Variants in THEMIS observed in about 807,000 individuals in gnomAD.
THEMIS encodes thymocyte selection associated.
THEMIS carries 37 observed loss-of-function variants against 52.6 expected under a neutral mutation model. The observed-to-expected ratio is 0.70, with a 90% CI of 0.54 to 0.93. The LOEUF is 0.93. Among genes scored for constraint, THEMIS ranks in the 40% least tolerant of loss-of-function variants. THEMIS has a pLI of 0.00. For synonymous variants in THEMIS, 292 were observed against 272.7 expected, an observed-to-expected ratio of 1.07 and a Z score of -0.70; for missense variants, 808 against 763.1, an observed-to-expected ratio of 1.06 and a Z score of -0.69.
intron 5 of THEMIS, among the ~76,000 whole-genome samples, chr6:127,715,578 C>T (rs12189937): frequency 0.017 from 2,520 of 151,940 alleles, 35 homozygotes; most frequent in South Asian, 0.029. Flanking sequence ...TTATTTTCCA[C>T]GATACAAATA....
intron 4 of THEMIS, among the ~76,000 whole-genome samples, chr6:127,750,653 T>G (rs1195789968): frequency 6.6e-6 from 1 of 151,886 alleles, no homozygotes; most frequent in East Asian, 1.9e-4. Context: ...TAACACTGAC[T>G]ACATAATTGC....
At chr6:127,793,947 A>T (rs1424697457) in intron 4 of THEMIS, among the ~76,000 whole-genome samples, 1 of 152,204 alleles carries the variant, frequency 6.6e-6, no homozygotes, top group African/African-American at 2.4e-5. Context: ...ATAGTTATCT[A>T]ACTCCAGATT....
chr6:127,772,594 T>A (rs887175121), intron 4 of THEMIS, among the ~76,000 whole-genome samples: 1 of 152,150 alleles, frequency 6.6e-6, no homozygotes, highest in African/African-American at 2.4e-5. Flanking sequence ...AGAAAGAATT[T>A]GGATGTGATA....
upstream of THEMIS, among the ~76,000 whole-genome samples, chr6:127,902,411 A>C (rs549968679): frequency 2.0e-4 from 30 of 152,114 alleles, no homozygotes; most frequent in Non-Finnish European, 3.5e-4. Context: ...TTCTTTAGTA[A>C]CCAAACCCAG....
chr6:127,718,783 T>C (rs1774259310), intron 5 of THEMIS, among the ~76,000 whole-genome samples: 1 of 151,768 alleles, frequency 6.6e-6, no homozygotes, highest in Non-Finnish European at 1.5e-5. Flanking sequence ...TCGGAGAGAG[T>C]CAATGAAAAG....
intron 1 of THEMIS, among the ~76,000 whole-genome samples, chr6:127,909,490 A>T (rs1383113373): frequency 6.6e-6 from 1 of 152,130 alleles, no homozygotes; most frequent in Admixed American, 6.6e-5. Context: ...GAAGAAGGAC[A>T]TGTTTGCTTT....
intron 4 of THEMIS, among the ~76,000 whole-genome samples, chr6:127,781,294 A>G (rs1218851038): frequency 1.3e-5 from 2 of 151,556 alleles, no homozygotes; most frequent in African/African-American, 2.4e-5. Flanking sequence ...AATTCATCTA[A>G]CCTTTTTTCA....
chr6:127,700,713 A>G, the THEMIS span, among the ~76,000 whole-genome samples: 1 of 152,036 alleles, frequency 6.6e-6, no homozygotes, highest in Non-Finnish European at 1.5e-5. Flanking sequence ...TATCTGATGA[A>G]ATAAACTGCA....
chr6:127,907,279 C>T (rs1158792097), intron 1 of THEMIS, among the ~76,000 whole-genome samples: 3 of 145,860 alleles, frequency 2.1e-5, no homozygotes, highest in African/African-American at 7.5e-5. Context: ...AGCATTTCTA[C>T]CTACAAAATA....
rs537247089 is a variant in THEMIS, at chr6:127,757,575, C to T, written c.1759-37752G>A. ...TCGGCTCACTGCAAGCTCTGCCTCC[C>T]GGGTTCACGCCATTCTCCTGCCTCA... On this transcript the variant is annotated intron_variant, in intron 4 of 5. Coordinates refer to ENST00000368248, the MANE Select transcript of THEMIS (RefSeq NM_001010923.3). Among the ~76,000 whole-genome samples, 26 of 152,104 alleles carry T rather than the reference C, an allele frequency of 1.7e-4. 1 individual carries two copies. In the East Asian group the frequency reaches 3.7e-3, roughly 22 times the overall value.
chr6:127,757,366 T>C (rs1775862755), intron 4 of THEMIS, among the ~76,000 whole-genome samples: 1 of 152,214 alleles, frequency 6.6e-6, no homozygotes, highest in Non-Finnish European at 1.5e-5. Flanking sequence ...AAGTACTTTA[T>C]ATGTAAAAAG....
chr6:127,865,842 A>G (rs1779955515), intron 1 of THEMIS, among the ~76,000 whole-genome samples: 1 of 152,106 alleles, frequency 6.6e-6, no homozygotes, highest in Non-Finnish European at 1.5e-5. Context: ...TAACACCTCA[A>G]TGATTCCCTC....
At chr6:127,800,273 A>C (rs1176350162) in intron 4 of THEMIS, among the ~76,000 whole-genome samples, 1 of 152,156 alleles carries the variant, frequency 6.6e-6, no homozygotes, top group Non-Finnish European at 1.5e-5. Context: ...TTTTTAATAT[A>C]TTTCCTTTGT....
intron 2 of THEMIS, among the ~76,000 whole-genome samples, chr6:127,852,389 C>T (rs1779458746): frequency 6.6e-6 from 1 of 151,476 alleles, no homozygotes; most frequent in Admixed American, 6.6e-5. Flanking sequence ...AACCAACAGA[C>T]ATCTGTAGAA....
chr6:127,846,186 T>C (rs1347015939), intron 2 of THEMIS, among the ~76,000 whole-genome samples: 1 of 151,880 alleles, frequency 6.6e-6, no homozygotes, highest in Non-Finnish European at 1.5e-5. Context: ...CTTTACAGAT[T>C]TAGTTCAGAA....
chr6:127,771,241 CCA>C (rs1428904699), intron 4 of THEMIS, among the ~76,000 whole-genome samples: 1 of 152,098 alleles, frequency 6.6e-6, no homozygotes, highest in African/African-American at 2.4e-5. Flanking sequence ...GAACTACAAA[CCA>C]CTGCTCAATG....
intron 1 of THEMIS, among the ~76,000 whole-genome samples, chr6:127,917,054 G>C (rs1781541758): frequency 6.6e-6 from 1 of 152,160 alleles, no homozygotes; most frequent in South Asian, 2.1e-4. Flanking sequence ...AGTCTATAGG[G>C]TCTAGAAAAA....
chr6:127,832,602 A>G (rs886360834), intron 2 of THEMIS, among the ~76,000 whole-genome samples: 4 of 152,098 alleles, frequency 2.6e-5, no homozygotes, highest in African/African-American at 9.7e-5. Context: ...TCTTTTTCTC[A>G]AAGTGTACAA....
At chr6:127,810,460 G>A (rs974506183) in intron 4 of THEMIS, among the ~76,000 whole-genome samples, 1 of 152,084 alleles carries the variant, frequency 6.6e-6, no homozygotes, top group African/African-American at 2.4e-5. Flanking sequence ...CCTCATTAAT[G>A]GATTAATGCT....
Sources: allele counts gnomAD v4.1 joint callset (sites outside exome capture counted in the v4.1 genomes callset), GRCh38; gene constraint gnomAD v4.1.1; transcripts MANE v1.5; gene names NCBI Gene and HGNC (gene_info 2026-07-23, HGNC 2026-07-21).